GLIS3: variants seen among roughly 807,000 people sequenced by gnomAD.
GLIS3 encodes GLIS family zinc finger 3.
In GLIS3, 53 loss-of-function variants were observed where a neutral mutation model predicts 78.6. The observed-to-expected ratio is 0.67, with a 90% CI of 0.54 to 0.85. The LOEUF (loss-of-function observed/expected upper bound fraction) is 0.85. Among genes scored for constraint, GLIS3 ranks in the 40% least tolerant of loss-of-function variants. GLIS3 has a pLI of 0.00. For synonymous variants in GLIS3, 684 were observed against 509.9 expected (o/e 1.34, Z -4.60); for missense variants, 1,703 against 1,231.1 (o/e 1.38, Z -5.74).
chr9:4,091,424 A>G (rs1829492042), intron 4 of GLIS3, among the ~76,000 whole-genome samples: 1 of 152,134 alleles, frequency 6.6e-6, no homozygotes, highest in Non-Finnish European at 1.5e-5. Flanking sequence ...CACGGTAAGC[A>G]TTTTCCATTT....
chr9:4,386,027 C>T, the GLIS3 span, among the ~76,000 whole-genome samples: 3 of 152,188 alleles, frequency 2.0e-5, no homozygotes, highest in African/African-American at 7.2e-5. Flanking sequence ...GCTGCCTCAT[C>T]ACTCATGGCC....
intron 8 of GLIS3, among the ~76,000 whole-genome samples, chr9:3,863,799 A>G (rs1432453952): frequency 1.3e-5 from 2 of 152,020 alleles, no homozygotes; most frequent in South Asian, 2.1e-4. Context: ...CAAAAAAACA[A>G]ACTAATCAAT....
chr9:4,334,396 C>G (rs1563936704), intron 2 of GLIS3, among the ~76,000 whole-genome samples: 2 of 152,174 alleles, frequency 1.3e-5, no homozygotes, highest in Non-Finnish European at 2.9e-5. Flanking sequence ...TGTCAAGGAG[C>G]TGGTGGCTGG....
At chr9:4,427,796 T>G in the GLIS3 span, among the ~76,000 whole-genome samples, 2 of 149,880 alleles carry the variant, frequency 1.3e-5, no homozygotes, top group Non-Finnish European at 3.0e-5. Flanking sequence ...GAGGCGGAGG[T>G]TGCAGTGAGC....
chr9:4,405,496 C>A, the GLIS3 span, among the ~76,000 whole-genome samples: 1 of 151,972 alleles, frequency 6.6e-6, no homozygotes, highest in Non-Finnish European at 1.5e-5. Context: ...TAAATTCCTA[C>A]GCATATACAA....
intron 2 of GLIS3, among the ~76,000 whole-genome samples, chr9:4,197,147 C>G (rs1818939316): frequency 1.3e-5 from 2 of 152,162 alleles, no homozygotes; most frequent in African/African-American, 4.8e-5. Flanking sequence ...TGCAGTGGGG[C>G]TCTCTGTGCT....
At chr9:3,965,782 G>C (rs1817895894) in intron 4 of GLIS3, among the ~76,000 whole-genome samples, 1 of 152,078 alleles carries the variant, frequency 6.6e-6, no homozygotes, top group South Asian at 2.1e-4. Flanking sequence ...GCTACTTACT[G>C]GCCACCAACT....
At chr9:4,112,357 C>T (rs868432879) in intron 4 of GLIS3, among the ~76,000 whole-genome samples, 1 of 152,160 alleles carries the variant, frequency 6.6e-6, no homozygotes, top group African/African-American at 2.4e-5. Flanking sequence ...ACTGTCAGGC[C>T]ATTGAGAATA....
intron 4 of GLIS3, among the ~76,000 whole-genome samples, chr9:3,983,731 G>T (rs1299550729): frequency 6.6e-6 from 1 of 152,176 alleles, no homozygotes; most frequent in African/African-American, 2.4e-5. Context: ...GAACTTGAGG[G>T]AGATGATTTA....
At chr9:4,274,116 C>T (rs1047703887) in intron 2 of GLIS3, among the ~76,000 whole-genome samples, 1 of 152,110 alleles carries the variant, frequency 6.6e-6, no homozygotes, top group African/African-American at 2.4e-5. Flanking sequence ...AGGCAGGAGG[C>T]CTGGTGGCTT....
At chr9:4,423,154 C>T in the GLIS3 span, among the ~76,000 whole-genome samples, 2 of 152,060 alleles carry the variant, frequency 1.3e-5, no homozygotes, top group Non-Finnish European at 2.9e-5. Context: ...TTTCCCAGCC[C>T]AGTTCATCAC....
the GLIS3 span, among the ~76,000 whole-genome samples, chr9:4,435,449 T>G: frequency 5.9e-5 from 9 of 152,202 alleles, no homozygotes; most frequent in South Asian, 1.9e-3. Context: ...TTCCTCAGCC[T>G]GCCAGACCAA....
intron 7 of GLIS3, among the ~76,000 whole-genome samples, chr9:3,882,716 A>G (rs1269280009): frequency 6.6e-6 from 1 of 152,194 alleles, no homozygotes; most frequent in African/African-American, 2.4e-5. Context: ...AGAAATGGGC[A>G]GTGGTCCTCT....
chr9:3,838,444 G>A (rs920250758), intron 9 of GLIS3, among the ~76,000 whole-genome samples: 2 of 152,140 alleles, frequency 1.3e-5, no homozygotes, highest in African/African-American at 4.8e-5. Context: ...GCCTTGGAGT[G>A]CAAAGTCAGA....
chr9:3,843,797 C>G (rs1336714786), intron 9 of GLIS3, among the ~76,000 whole-genome samples: 1 of 152,126 alleles, frequency 6.6e-6, no homozygotes, highest in Non-Finnish European at 1.5e-5. Flanking sequence ...ATGATTTTGT[C>G]ACAATGGCAA....
chr9:4,399,920 G>T, the GLIS3 span, among the ~76,000 whole-genome samples: 1 of 152,182 alleles, frequency 6.6e-6, no homozygotes, highest in Non-Finnish European at 1.5e-5. Context: ...CCAGAGGTGA[G>T]ATACTACGTG....
chr9:4,165,553 C>T (rs1001468199), intron 2 of GLIS3, among the ~76,000 whole-genome samples: 3 of 152,228 alleles, frequency 2.0e-5, no homozygotes, highest in Non-Finnish European at 2.9e-5. Context: ...ACTATCCAGA[C>T]CCATACAGTC....
intron 2 of GLIS3, among the ~76,000 whole-genome samples, chr9:4,339,301 A>C (rs75363562): frequency 0.037 from 5,637 of 152,310 alleles, 255 homozygotes; most frequent in East Asian, 0.23. Context: ...GGAGGGTGCC[A>C]GTTATTTGGA....
intron 2 of GLIS3, among the ~76,000 whole-genome samples, chr9:4,157,141 T>C (rs1835099856): frequency 6.6e-6 from 1 of 152,204 alleles, no homozygotes. Context: ...GTGCGTGCGG[T>C]AATTATAAGC....
Sources: gnomAD v4.1 joint callset for allele counts (sites outside exome capture counted in the v4.1 genomes callset) on GRCh38, gnomAD v4.1.1 for gene constraint, MANE v1.5 for transcripts, NCBI Gene and HGNC (gene_info 2026-07-23, HGNC 2026-07-21) for gene names.